PIEZO1: variants seen among roughly 807,000 people sequenced by gnomAD.
PIEZO1 encodes the protein piezo type mechanosensitive ion channel component 1 (Er blood group), also known as piezo-type mechanosensitive ion channel component 1.
A neutral mutation model predicts 297.2 loss-of-function variants in PIEZO1; 296 were observed. That is an observed-to-expected ratio of 1.00 (90% confidence interval 0.91 to 1.10). The LOEUF is 1.10. Ranked by LOEUF, PIEZO1 falls within the 50% of genes least tolerant of loss-of-function variation. The pLI is 0.00. For synonymous variants in PIEZO1, 2,427 were observed against 1,507.5 expected (o/e 1.61, Z -14.13); for missense variants, 5,018 against 3,455.5 (o/e 1.45, Z -11.34).
chr16:88,755,767 A>G (rs2142874847), intron 1 of PIEZO1, among the ~76,000 whole-genome samples: 1 of 152,314 alleles, frequency 6.6e-6, no homozygotes, highest in African/African-American at 2.4e-5. Flanking sequence ...GGGGGCCCCC[A>G]GGCCAAGAGC....
Position 88,725,480 on chromosome 16 carries a change from C to T in PIEZO1, c.4098G>A (p.Gln1366=), listed in dbSNP as rs1168119514. 1 of 1,523,656 alleles carries T rather than the reference C, an allele frequency of 6.6e-7. No individual in the cohort carries two copies. The highest frequency in any genetic ancestry group is 2.5e-5 in the East Asian group (1 of 40,520). The allele number at this position is 1,523,656 out of a possible 1,614,324, so 94.4% of individuals were successfully genotyped here. The change falls in exon 29 of 51, where the codon CAG becomes CAA. Residue 1366 remains glutamine (Q), a synonymous_variant. Coordinates refer to ENST00000301015, the MANE Select transcript of PIEZO1 (RefSeq NM_001142864.4). ...RIRAKQEKHR[Q]GRVDRSRPQD... is the part of the protein sequence containing the mutation. ...GGGGGCGACTGCGGTCCACCCGGCC[C>T]TGCCTGTGCTTCTCCTGCTTGGCAC...
Position 88,722,800 on chromosome 16 carries a change from C to T in PIEZO1, c.4668+37G>A, listed in dbSNP as rs1056193653. ...TTAAGCAGGCAGGGGCGTAGTCAGG[C>T]AGAGCAGGGACGAGCGTGGTGCACG... On this transcript the variant is annotated intron_variant, in intron 34 of 50. Transcript: ENST00000301015. The T allele has an allele frequency of 1.4e-5, 22 of 1,536,402 alleles. No individual in the cohort carries two copies. In the African/African-American group the frequency reaches 2.2e-4, roughly 15 times the overall value.
intron 2 of PIEZO1, among the ~76,000 whole-genome samples, chr16:88,748,964 G>T (rs946552170): frequency 1.4e-5 from 2 of 139,062 alleles, no homozygotes; most frequent in Non-Finnish European, 3.1e-5. Flanking sequence ...AAAGCCGGGC[G>T]CGGTGGCTCA....
chr16:88,716,849 G>T lies in PIEZO1; in HGVS notation c.6710C>A (p.Ala2237Asp). 6.5e-7 allele frequency: 1 copy of T among 1,550,158 alleles called. No individual in the cohort carries two copies. The highest frequency in any genetic ancestry group is 2.4e-5 in the East Asian group (1 of 40,930). The part of the protein sequence containing the change: ...AQQPSIIPFT[A>D]QAYEELSRQF... ...CCGGGACAGCTCCTCATAGGCCTGG[G>T]CCGTGAAGGGGATGATGGACGGCTG... is the stretch of plus-strand genomic sequence containing the variant. The change falls in exon 46 of 51, where the codon GCC becomes GAC. Residue 2237 changes from alanine (A) to aspartate (D), a missense_variant. Transcript: ENST00000301015.
At position 88,727,205 on chromosome 16, in the gene PIEZO1, G is replaced by T. The variant is rs1185369153; in HGVS notation, c.3302-13C>A. 3 of 1,525,780 alleles carry T rather than the reference G, an allele frequency of 2.0e-6. No homozygotes were observed. The highest frequency in any genetic ancestry group is 1.8e-6 in the Non-Finnish European group (2 of 1,133,492). 94.5% of individuals were successfully genotyped at this position (1,525,780 alleles called of 1,614,324 possible). ...AGGAGAAAGTCGCCTGCAGGACACA[G>T]GAGCCGCCGCTGTGCCACACGGGGA... On this transcript the variant is annotated splice_polypyrimidine_tract_variant and intron_variant, in intron 23 of 50. Transcript: ENST00000301015.
chr16:88,726,926 A>G lies in PIEZO1; in HGVS notation c.3488T>C (p.Phe1163Ser). 6 of 1,550,380 alleles carry G rather than the reference A, an allele frequency of 3.9e-6. No homozygotes were observed. Among genetic ancestry groups the G allele is most frequent in the Non-Finnish European group, 5.2e-6 (6 of 1,146,892 alleles). The change falls in exon 25 of 51, where the codon TTC becomes TCC. Residue 1163 changes from phenylalanine to serine, a missense_variant. Transcript: ENST00000301015. ...CAGCACCAGCCAGAACAGGTATCGG[A>G]AGACGGCCACCTTCAGCATGTCAAG... ...SYLDMLKVAV[F>S]RYLFWLVLVV...
chr16:88,765,524 T>C (rs1157516264), intron 1 of PIEZO1, among the ~76,000 whole-genome samples: 2 of 152,280 alleles, frequency 1.3e-5, no homozygotes, highest in Non-Finnish European at 2.9e-5. Context: ...ACCAGAACCA[T>C]CTTGCCCTCC....
rs949286081 is a variant in PIEZO1, at chr16:88,735,121, G to C, written c.1669+14C>G. The stretch of plus-strand genomic sequence containing the variant: ...AGGCAGGAGGGCAACCCCCGCCTCT[G>C]GCCCACCACTCACCTGTGTCTGCCA... On this transcript the variant is annotated intron_variant, in intron 13 of 50. Transcript: ENST00000301015. The C allele has an allele frequency of 1.9e-6, 3 of 1,549,352 alleles. No homozygotes were observed. The African/African-American group carries it at 4.1e-5, about 21-fold the overall frequency.
In PIEZO1 at chr16:88,738,444, C is replaced by T. The variant is rs372188504; in HGVS notation, c.635-4G>A. 6.9e-4 allele frequency: 1,055 copies of T among 1,535,012 alleles called. 2 individuals carry two copies. The highest frequency in any genetic ancestry group is 7.8e-4 in the Admixed American group (40 of 50,990). ...AGGGCCGAGGGGTGGGCGATGCCTG[C>T]GGGGCAGGGGCACACAGGGTGGTAC... On this transcript the variant is annotated splice_polypyrimidine_tract_variant and splice_region_variant and intron_variant, in intron 6 of 50. Transcript: ENST00000301015.
chr16:88,733,397 G>A lies in PIEZO1; in HGVS notation c.2545C>T (p.Arg849Cys), dbSNP rs776672249. The A allele has an allele frequency of 2.3e-5, 35 of 1,550,034 alleles. No individual in the cohort carries two copies. Among genetic ancestry groups the A allele is most frequent in the East Asian group, 7.3e-5 (3 of 40,928 alleles). Reference protein sequence around the residue: ...VLWAFALPYPRFRPMASCLST... With the variant: ...VLWAFALPYPCFRPMASCLST... The stretch of plus-strand genomic sequence containing the variant: ...AGGCAGGAGGCCATGGGCCGGAAGC[G>A]TGGGTAGGGCAGGGCGAAGGCCCAC... Residue 849 changes from arginine (R) to cysteine (C), a missense_variant, in exon 19 of 51, where the codon CGC (arginine) becomes TGC (cysteine). Physicochemically the swap from Arg to Cys is radical, Grantham distance 180. Transcript: ENST00000301015.
chr16:88,747,424 G>C (rs550825111), intron 2 of PIEZO1, among the ~76,000 whole-genome samples: 1 of 152,318 alleles, frequency 6.6e-6, no homozygotes, highest in Non-Finnish European at 1.5e-5. Context: ...GCCGAGGCGG[G>C]AGAATCGCTT....
Position 88,726,373 on chromosome 16 carries a change from G to C in PIEZO1, c.3879C>G (p.Phe1293Leu), listed in dbSNP as rs1000725642. The C allele has an allele frequency of 3.9e-6, 6 of 1,550,334 alleles. No individual in the cohort carries two copies. Among genetic ancestry groups the C allele is most frequent in the Non-Finnish European group, 5.2e-6 (6 of 1,146,922 alleles). ...AGACGCGGCGCTGCAGCAGCAGGAA[G>C]AAGAAGCAGACGCTGTCCCAGATGA... ...AGIIWDSVCF[F>L]FLLLQRRVFL... Residue 1293 changes from phenylalanine (F) to leucine (L), a missense_variant, in exon 27 of 51, where the codon TTC becomes TTG. Physicochemically the swap from Phe to Leu is conservative, Grantham distance 22. Transcript: ENST00000301015.
rs534527849 is a variant in PIEZO1 at position 88,727,097 on chromosome 16, C to G, written c.3397G>C (p.Asp1133His). The G allele has an allele frequency of 5.8e-6, 9 of 1,549,718 alleles. No homozygotes were observed. Among genetic ancestry groups the G allele is most frequent in the Non-Finnish European group, 7.8e-6 (9 of 1,146,616 alleles). Residue 1133 changes from aspartate (D) to histidine (H), a missense_variant, in exon 24 of 51, where the codon GAC (aspartate) becomes CAC (histidine). Physicochemically the swap from Asp to His is moderately conservative, Grantham distance 81 (BLOSUM62 -1). Coordinates refer to ENST00000301015, the MANE Select transcript of PIEZO1 (RefSeq NM_001142864.4). Reference sequence around the variant, plus strand: ...TCCCCCCGCAGCGGCTCCAGGCGGTCGGTGTTGACGCCAGCCATGCGCTGC... The same window carrying G: ...TCCCCCCGCAGCGGCTCCAGGCGGTGGGTGTTGACGCCAGCCATGCGCTGC... ...EWQRMAGVNT[D>H]RLEPLRGEPN...
rs1174418058 is a variant in PIEZO1, at chr16:88,733,930, G to A, written c.2305C>T (p.His769Tyr). 2.0e-6 allele frequency: 3 copies of A among 1,532,146 alleles called. No homozygotes were observed. Among genetic ancestry groups the A allele is most frequent in the East Asian group, 2.5e-5 (1 of 40,572 alleles). 94.9% of individuals were successfully genotyped at this position (1,532,146 alleles called of 1,614,324 possible). A position where few individuals can be genotyped will look rare whatever the true frequency, so the allele number is the denominator to read the frequency against. ...RDEGLGVATP[H>Y]QATQVPEGAA... ...CCTTCAGGCACCTGCGTGGCCTGGTGGGGAGTGGCCACGCCCAGCCCCTCG... is the reference window on the plus strand; with the variant it reads ...CCTTCAGGCACCTGCGTGGCCTGGTAGGGAGTGGCCACGCCCAGCCCCTCG... Residue 769 changes from histidine to tyrosine, a missense_variant, in exon 17 of 51, where the codon CAC becomes TAC. Coordinates refer to ENST00000301015, the MANE Select transcript of PIEZO1 (RefSeq NM_001142864.4).
chr16:88,759,511 G>A (rs1434452119), intron 1 of PIEZO1, among the ~76,000 whole-genome samples: 1 of 152,172 alleles, frequency 6.6e-6, no homozygotes, highest in Non-Finnish European at 1.5e-5. Context: ...ACACTCCCGT[G>A]CTAGTGCTTT....
At chr16:88,724,095 C>A (rs1226344622) in intron 30 of PIEZO1, 124 bp from the exon 31 acceptor site, 3 of 650,712 alleles carry the variant, frequency 4.6e-6, no homozygotes, top group South Asian at 1.8e-5. Context: ...GGGAGCAGTG[C>A]AGGCACAAGA....
At chr16:88,760,975 C>A (rs1180331571) in intron 1 of PIEZO1, among the ~76,000 whole-genome samples, 1 of 152,226 alleles carries the variant, frequency 6.6e-6, no homozygotes. Context: ...GCTGGGCACC[C>A]ACCGCACCTG....
intron 30 of PIEZO1, 84 bp from the exon 31 acceptor site, chr16:88,724,055 C>T (rs1326503384): frequency 3.9e-5 from 31 of 786,978 alleles, no homozygotes; most frequent in East Asian, 1.6e-4. Context: ...GGCCAAGGCC[C>T]GAGAGCCACC....
chr16:88,734,318 CA>C, intron 16 of PIEZO1, 37 bp downstream of exon 16: 1 of 1,465,812 alleles, frequency 6.8e-7, no homozygotes. Flanking sequence ...CAGGAGGCTA[CA>C]CCTCTCCAGG....
Sources: allele counts gnomAD v4.1 joint callset (sites outside exome capture counted in the v4.1 genomes callset), GRCh38; gene constraint gnomAD v4.1.1; transcripts MANE v1.5; gene names NCBI Gene and HGNC (gene_info 2026-07-23, HGNC 2026-07-21).